Variants in EPS8 observed in about 807,000 individuals in gnomAD.
EPS8 encodes epidermal growth factor receptor kinase substrate 8.
Under a neutral mutation model 103.8 loss-of-function variants are expected in EPS8, and 42 were observed. That is an observed-to-expected ratio of 0.40 (90% confidence interval 0.32 to 0.52). The LOEUF is 0.52. EPS8 is among the 20% of genes least tolerant of loss of function. The probability of loss-of-function intolerance (pLI) is 0.40; values close to 1 mark genes in which losing one functional copy is unlikely to be tolerated. For synonymous variants in EPS8, 344 were observed against 344.6 expected, an observed-to-expected ratio of 1.00 and a Z score of 0.02; for missense variants, 969 against 1,005.1, an observed-to-expected ratio of 0.96 and a Z score of 0.49.
chr12:15,751,056 A>G lies in EPS8; in HGVS notation c.-22+38105T>C, dbSNP rs1246459718. Among the ~76,000 whole-genome samples the G allele has an allele frequency of 2.0e-5, 3 of 152,180 alleles. No individual in the cohort carries two copies. The highest frequency in any genetic ancestry group is 2.0e-4 in the Admixed American group (3 of 15,276). On this transcript the variant is annotated intron_variant, in intron 1 of 20. Transcript: ENST00000281172. This position sits in a 1 kb window ranked among gnomAD's most constrained non-coding sequence, Gnocchi z 4.3. ...ATAAGGACCAAATCCTTAGTTCAGC[A>G]TTCAAGAATCCACATTATCACCAGG...
In EPS8 at chr12:15,669,670, T is replaced by C. The variant is rs1377722870; in HGVS notation, c.360A>G (p.Glu120=). ...ATAAATTTTACACACTTGCCTTTGATTCTAAATCAATCAGGCTCACAGCTC... is the reference window on the plus strand; with the variant it reads ...ATAAATTTTACACACTTGCCTTTGACTCTAAATCAATCAGGCTCACAGCTC... ...DDRAVSLIDL[E]SKNELENFPL... Residue 120 remains glutamate (E), a synonymous_variant, in exon 5 of 21, where the codon GAA becomes GAG. Transcript: ENST00000281172. 1.9e-6 allele frequency: 3 copies of C among 1,597,472 alleles called. No individual in the cohort carries two copies. The Admixed American group carries it at 5.3e-5, about 28-fold the overall frequency.
rs1009727752 is a variant in EPS8, at chr12:15,762,018, A to G, written c.-22+27143T>C. Among the ~76,000 whole-genome samples the G allele has an allele frequency of 5.3e-5, 8 of 151,158 alleles. No homozygotes were observed. The highest frequency in any genetic ancestry group is 8.8e-5 in the Non-Finnish European group (6 of 68,022). On this transcript the variant is annotated intron_variant, in intron 1 of 20. Transcript: ENST00000281172. This position sits in a 1 kb window ranked among gnomAD's most constrained non-coding sequence, Gnocchi z 4.8. ...CAACCCACAGAATCAGAGAAAATAT[A>G]TTTGCAAACTATCCATCTGAAAAGA... is the stretch of plus-strand genomic sequence containing the variant.
intron 15 of EPS8, among the ~76,000 whole-genome samples, chr12:15,644,045 C>T (rs1412628460): frequency 2.0e-5 from 3 of 152,078 alleles, no homozygotes; most frequent in Admixed American, 1.3e-4. Flanking sequence ...TCTGAGAAAC[C>T]CTCTATACTT....
intron 1 of EPS8, among the ~76,000 whole-genome samples, chr12:15,739,662 G>T (rs1946800287): frequency 6.6e-6 from 1 of 152,052 alleles, no homozygotes; most frequent in Non-Finnish European, 1.5e-5. Flanking sequence ...AGCTTCCCTG[G>T]TTCACCATCA....
At position 15,622,451 on chromosome 12, in the gene EPS8, A is replaced by T. The variant is rs376187357; in HGVS notation, c.2355+707T>A. Among the ~76,000 whole-genome samples, 3 of 152,286 alleles carry T rather than the reference A, an allele frequency of 2.0e-5. No homozygotes were observed. In the East Asian group the frequency reaches 5.8e-4, roughly 29 times the overall value. On this transcript the variant is annotated intron_variant, in intron 20 of 20. Transcript: ENST00000281172. ...ACCTGCTAGAGATGATTATGGATCA[A>T]TTTCATGCCAAAGCCTACATTCTTT...
intron 1 of EPS8, among the ~76,000 whole-genome samples, chr12:15,775,043 C>T (rs1404004113): frequency 6.6e-6 from 1 of 152,092 alleles, no homozygotes; most frequent in African/African-American, 2.4e-5. Context: ...AGTATCATTT[C>T]AGTGGTGTGT....
At chr12:15,622,170 TGAA>T (rs1446375728) in intron 20 of EPS8, among the ~76,000 whole-genome samples, 1 of 152,160 alleles carries the variant, frequency 6.6e-6, no homozygotes, top group Non-Finnish European at 1.5e-5. Flanking sequence ...TAACATACCT[TGAA>T]GAAGTAATTA....
rs1424250540 is a variant in EPS8, at chr12:15,697,573, AATT to A, written c.-21-14604_-21-14602del. Among the ~76,000 whole-genome samples the A allele has an allele frequency of 6.6e-6, 1 of 152,222 alleles. No homozygotes were observed. Among genetic ancestry groups the A allele is most frequent in the Non-Finnish European group, 1.5e-5 (1 of 68,026 alleles). ...ATAACATGTTCACTGTCAAAGAGGT[AATT>A]AATAGTAGATGTGGGATAAAATTCA... On this transcript the variant is annotated intron_variant, in intron 1 of 20. Coordinates refer to ENST00000281172, the MANE Select transcript of EPS8 (RefSeq NM_004447.6). This position sits in a 1 kb window ranked among gnomAD's most constrained non-coding sequence, Gnocchi z 5.6.
At chr12:15,703,154 T>C (rs1042663629) in intron 1 of EPS8, among the ~76,000 whole-genome samples, 3 of 151,912 alleles carry the variant, frequency 2.0e-5, no homozygotes, top group Non-Finnish European at 2.9e-5. Flanking sequence ...TCTCAAAAAA[T>C]AAATAAAAAT....
Position 15,658,063 on chromosome 12 carries a change from A to C in EPS8, c.1101+16T>G. 1 of 1,483,500 alleles carries C rather than the reference A, an allele frequency of 6.7e-7. No individual in the cohort carries two copies. Among genetic ancestry groups the C allele is most frequent in the Non-Finnish European group, 9.4e-7 (1 of 1,062,588 alleles). 91.9% of individuals were successfully genotyped at this position (1,483,500 alleles called of 1,614,324 possible). The stretch of plus-strand genomic sequence containing the variant: ...TATACTAAGAACGATTCTTTCTTAA[A>C]CTAATAAAATCTCACCATATTTAAT... On this transcript the variant is annotated intron_variant, in intron 12 of 20. Coordinates refer to ENST00000281172, the MANE Select transcript of EPS8 (RefSeq NM_004447.6).
In EPS8 at chr12:15,747,747, G is replaced by A. The variant is rs1173047987; in HGVS notation, c.-22+41414C>T. Among the ~76,000 whole-genome samples the A allele has an allele frequency of 2.0e-5, 3 of 152,088 alleles. No homozygotes were observed. The highest frequency in any genetic ancestry group is 3.8e-4 in the East Asian group (2 of 5,200). ...AATTTAAGAAAAAAAATAGCCAGGC[G>A]CAGTGGCTCACGCCTGTAATCCCAG... On this transcript the variant is annotated intron_variant, in intron 1 of 20. Transcript: ENST00000281172. This position sits in a 1 kb window ranked among gnomAD's most constrained non-coding sequence, Gnocchi z 4.4.
chr12:15,703,852 T>G (rs941144864), intron 1 of EPS8, among the ~76,000 whole-genome samples: 10 of 144,332 alleles, frequency 6.9e-5, no homozygotes, highest in East Asian at 2.0e-4. Flanking sequence ...TATTTGTTTT[T>G]TTTTTTTTTT....
rs1260227276 is a variant in EPS8 at position 15,767,309 on chromosome 12, G to A, written c.-22+21852C>T. 1.3e-5 allele frequency among the ~76,000 whole-genome samples: 2 copies of A among 152,172 alleles called. No individual in the cohort carries two copies. The highest frequency in any genetic ancestry group is 1.3e-4 in the Admixed American group (2 of 15,272). ...ATTTTCACAAATTATTTCTACAGAA[G>A]CAGACTAGTTCTACTAAGGTCTAGT... On this transcript the variant is annotated intron_variant, in intron 1 of 20. Coordinates refer to ENST00000281172, the MANE Select transcript of EPS8 (RefSeq NM_004447.6). This position sits in a 1 kb window ranked among gnomAD's most constrained non-coding sequence, Gnocchi z 5.5.
chr12:15,776,474 T>C lies in EPS8; in HGVS notation c.-22+12687A>G, dbSNP rs1020703700. Among the ~76,000 whole-genome samples, 13 of 152,248 alleles carry C rather than the reference T, an allele frequency of 8.5e-5. No homozygotes were observed. The highest frequency in any genetic ancestry group is 1.9e-4 in the East Asian group (1 of 5,174). ...TCTCAGGAACTAACACAGACCTAGA[T>C]TGGCCTCTATGCATCAGCAAGCATT... On this transcript the variant is annotated intron_variant, in intron 1 of 20. Transcript: ENST00000281172. The surrounding 1 kb of genome is among the most constrained non-coding windows in gnomAD (Gnocchi z 4.2).
At chr12:15,680,588 C>A (rs537918156) in intron 3 of EPS8, among the ~76,000 whole-genome samples, 15 of 152,188 alleles carry the variant, frequency 9.9e-5, no homozygotes, top group African/African-American at 3.4e-4. Flanking sequence ...ATATTATTCT[C>A]ATTCTTTATT....
intron 1 of EPS8, among the ~76,000 whole-genome samples, chr12:15,754,010 C>T (rs1946959760): frequency 6.6e-6 from 1 of 152,192 alleles, no homozygotes. Flanking sequence ...CCCACCAGGC[C>T]ACCATCTGGC....
At chr12:15,644,389 C>T (rs1945284123) in intron 15 of EPS8, among the ~76,000 whole-genome samples, 1 of 152,002 alleles carries the variant, frequency 6.6e-6, no homozygotes, top group African/African-American at 2.4e-5. Context: ...TTTTTTTCCC[C>T]TTGTTCAATT....
At chr12:15,635,048 AG>A (rs1453555060) in intron 17 of EPS8, among the ~76,000 whole-genome samples, 1 of 152,182 alleles carries the variant, frequency 6.6e-6, no homozygotes, top group African/African-American at 2.4e-5. Context: ...ACTAAGATAT[AG>A]GTTTATTTTA....
intron 18 of EPS8, 37 bp downstream of exon 18, chr12:15,631,405 T>C (rs754242597): frequency 1.2e-6 from 2 of 1,612,982 alleles, no homozygotes; most frequent in Non-Finnish European, 8.5e-7. Context: ...TGCTTTTAAT[T>C]TGCAGAAGAC....
Sources: allele counts gnomAD v4.1 joint callset (sites outside exome capture counted in the v4.1 genomes callset), GRCh38; gene constraint gnomAD v4.1.1; non-coding constraint Gnocchi (gnomAD v3.1); transcripts MANE v1.5; gene names NCBI Gene and HGNC (gene_info 2026-07-23, HGNC 2026-07-21).